The following PDGFRB variants were observed in gnomAD, a reference collection of about 807,000 sequenced individuals.
The protein encoded by PDGFRB is platelet derived growth factor receptor beta.
PDGFRB carries 42 observed loss-of-function variants against 120.2 expected under a neutral mutation model. That is an observed-to-expected ratio of 0.35 (90% CI 0.27 to 0.45). PDGFRB has a LOEUF of 0.45. PDGFRB is among the 20% of genes least tolerant of loss of function. PDGFRB has a pLI of 1.00. For synonymous variants in PDGFRB, 586 were observed against 606.8 expected (o/e 0.97, Z 0.50); for missense variants, 1,149 against 1,476.3 (o/e 0.78, Z 3.63).
intron 4 of PDGFRB, 53 bp from the exon 5 acceptor site, chr5:150,134,061 A>T (rs1760555730): frequency 1.3e-6 from 2 of 1,578,582 alleles, no homozygotes; most frequent in Non-Finnish European, 1.7e-6. Flanking sequence ...AGCCACTAGC[A>T]CTTCAGCTTG....
chr5:150,115,593 TA>T lies in PDGFRB; in HGVS notation c.*169del. ...CGGCCCCTGCAGTTTTCTTGCCTCC[TA>T]AGCCAGCCCCAGGGTTTGGGGCACA... On this transcript the variant is annotated 3_prime_UTR_variant, in exon 23 of 23. Coordinates refer to ENST00000261799, the MANE Select transcript of PDGFRB (RefSeq NM_002609.4). 2 of 573,058 alleles carry T rather than the reference TA, an allele frequency of 3.5e-6. No homozygotes were observed. The highest frequency in any genetic ancestry group is 5.6e-6 in the Non-Finnish European group (2 of 357,432). The allele number at this position is 573,058 out of a possible 1,614,324, so 35.5% of individuals were successfully genotyped here.
rs940542479 is a variant in PDGFRB at position 150,131,659 on chromosome 5, G to A, written c.1243+320C>T. Among the ~76,000 whole-genome samples, 3 of 152,286 alleles carry A rather than the reference G, an allele frequency of 2.0e-5. No individual in the cohort carries two copies. In the South Asian group the frequency reaches 6.2e-4, roughly 32 times the overall value. On this transcript the variant is annotated intron_variant, in intron 8 of 22. Coordinates refer to ENST00000261799, the MANE Select transcript of PDGFRB (RefSeq NM_002609.4). ...AGAACCTTGAAGAGACAGGCATATG[G>A]TAGTTGCTCAATAAATACCTATCGA... is the stretch of plus-strand genomic sequence containing the variant.
chr5:150,123,275 G>A, intron 14 of PDGFRB, 74 bp from the exon 15 acceptor site: 1 of 1,180,388 alleles, frequency 8.5e-7, no homozygotes, highest in Non-Finnish European at 1.2e-6. Flanking sequence ...AGGCTAATCA[G>A]GGGCTGGATG....
rs747547701 is a variant in PDGFRB, at chr5:150,117,579, C to T, written c.3137+39G>A. 3.7e-6 allele frequency: 4 copies of T among 1,080,964 alleles called. No individual in the cohort carries two copies. In the Admixed American group the frequency reaches 6.9e-5, roughly 19 times the overall value. 67.0% of individuals were successfully genotyped at this position (1,080,964 alleles called of 1,614,324 possible). A position where few individuals can be genotyped will look rare whatever the true frequency, so the allele number is the denominator to read the frequency against. ...ACACACACACACACACACACACACA[C>T]TGTGCACAATTTCCTTGGCCCCAGG... On this transcript the variant is annotated intron_variant, in intron 22 of 22. Transcript: ENST00000261799.
chr5:150,115,965 G>T lies in PDGFRB; in HGVS notation c.3138-19C>A. ...GGTGGAGCTAGAGGAAAGAGGCAGTGAGTGAGGGGCTAGGAAGGAGCCCAG... is the reference window on the plus strand; with the variant it reads ...GGTGGAGCTAGAGGAAAGAGGCAGTTAGTGAGGGGCTAGGAAGGAGCCCAG... On this transcript the variant is annotated intron_variant, in intron 22 of 22. Coordinates refer to ENST00000261799, the MANE Select transcript of PDGFRB (RefSeq NM_002609.4). 1 of 1,550,652 alleles carries T rather than the reference G, an allele frequency of 6.4e-7. No individual in the cohort carries two copies. Among genetic ancestry groups the T allele is most frequent in the South Asian group, 1.2e-5 (1 of 83,838 alleles).
In PDGFRB at chr5:150,127,389, A is replaced by G. The variant is rs573047420; in HGVS notation, c.1580-775T>C. On this transcript the variant is annotated intron_variant, in intron 10 of 22. Coordinates refer to ENST00000261799, the MANE Select transcript of PDGFRB (RefSeq NM_002609.4). ...CTCATTCCCTCCTCTTCTGTCCCCA[A>G]TCTATGCTTCTTTGCTCCCTAGGGA... is the stretch of plus-strand genomic sequence containing the variant. Among the ~76,000 whole-genome samples, 10 of 151,872 alleles carry G rather than the reference A, an allele frequency of 6.6e-5. No homozygotes were observed. In the South Asian group the frequency reaches 8.3e-4, roughly 13 times the overall value.
intron 6 of PDGFRB, among the ~76,000 whole-genome samples, 190 bp from the exon 7 acceptor site, chr5:150,133,132 G>A (rs1392293967): frequency 3.3e-5 from 5 of 152,216 alleles, no homozygotes; most frequent in African/African-American, 1.2e-4. Context: ...TAATATGGAT[G>A]CTGGGGCCAG....
At position 150,115,721 on chromosome 5, in the gene PDGFRB, CA is replaced by C. The variant is rs1432199246; in HGVS notation, c.*41del. ...CAGGCCAGGAGATGCTGGGTGCTGG[CA>C]GGGGGGGAGCTTCAGGCAGGGCAGG... On this transcript the variant is annotated 3_prime_UTR_variant, in exon 23 of 23. Coordinates refer to ENST00000261799, the MANE Select transcript of PDGFRB (RefSeq NM_002609.4). 1.1e-5 allele frequency: 17 copies of C among 1,520,528 alleles called. No homozygotes were observed. The highest frequency in any genetic ancestry group is 4.9e-4 in the Middle Eastern group (2 of 4,114). 94.2% of individuals were successfully genotyped at this position (1,520,528 alleles called of 1,614,324 possible).
chr5:150,117,529 C>CGT (rs1425279936), intron 22 of PDGFRB, 89 bp downstream of exon 22: 474 of 434,030 alleles, frequency 1.1e-3, no homozygotes, highest in Middle Eastern at 2.3e-3. Flanking sequence ...AACCTGGCAG[C>CGT]GCGCGCGCGC....
intron 8 of PDGFRB, among the ~76,000 whole-genome samples, chr5:150,131,132 A>G (rs1225405221): frequency 2.0e-5 from 3 of 152,190 alleles, no homozygotes; most frequent in Non-Finnish European, 4.4e-5. Flanking sequence ...AGTCATTATC[A>G]TGTCATTTCT....
At position 150,135,945 on chromosome 5, in the gene PDGFRB, G is replaced by A. The variant is rs1760618544; in HGVS notation, c.41-67C>T. 5.3e-6 allele frequency: 6 copies of A among 1,131,388 alleles called. No individual in the cohort carries two copies. The Admixed American group carries it at 8.0e-5, about 15-fold the overall frequency. The allele number at this position is 1,131,388 out of a possible 1,614,324, so 70.1% of individuals were successfully genotyped here. On this transcript the variant is annotated intron_variant, in intron 2 of 22. Coordinates refer to ENST00000261799, the MANE Select transcript of PDGFRB (RefSeq NM_002609.4). ...CAGCACCTCTCCCAAGGCTGAGCCTGCGAGGAGGCCACGTATGCACAGCCC... is the reference window on the plus strand; with the variant it reads ...CAGCACCTCTCCCAAGGCTGAGCCTACGAGGAGGCCACGTATGCACAGCCC...
intron 14 of PDGFRB, among the ~76,000 whole-genome samples, chr5:150,123,856 A>C (rs1283837720): frequency 6.6e-6 from 1 of 152,234 alleles, no homozygotes; most frequent in Non-Finnish European, 1.5e-5. Flanking sequence ...TTGGCCACAG[A>C]GACTTTCTTC....
rs1462762018 is a variant in PDGFRB, at chr5:150,125,445, C to T, written c.1807G>A (p.Gly603Arg). 2 of 1,611,276 alleles carry T rather than the reference C, an allele frequency of 1.2e-6. No individual in the cohort carries two copies. ...WELPRDQLVL[G>R]RTLGSGAFGQ... ...CCACATGAGGCCTCTCAGGACTGAC[C>T]CAGCACAAGCTGGTCCCGCGGCAGC... Residue 603 changes from glycine to arginine, a missense_variant and splice_region_variant, in exon 12 of 23, where the codon GGA (glycine) becomes AGA (arginine). Physicochemically the swap from Gly to Arg is moderately radical, Grantham distance 125 (BLOSUM62 -2). Coordinates refer to ENST00000261799, the MANE Select transcript of PDGFRB (RefSeq NM_002609.4).
At chr5:150,125,629 G>A in intron 11 of PDGFRB, 52 bp from the exon 12 acceptor site, 18 of 1,596,348 alleles carry the variant, frequency 1.1e-5, no homozygotes, top group Non-Finnish European at 1.5e-5. Context: ...CAGGCCCTGA[G>A]CCCCATTAGG....
intron 1 of PDGFRB, among the ~76,000 whole-genome samples, chr5:150,144,437 T>C (rs545938219): frequency 1.3e-5 from 2 of 151,868 alleles, no homozygotes; most frequent in East Asian, 3.9e-4. Flanking sequence ...CACTGCATGC[T>C]CCTCTCCCCA....
chr5:150,133,720 T>C lies in PDGFRB; in HGVS notation c.800A>G (p.Asp267Gly), dbSNP rs751085975. 6.2e-7 allele frequency: 1 copy of C among 1,614,066 alleles called. No homozygotes were observed. Among genetic ancestry groups the C allele is most frequent in the South Asian group, 1.1e-5 (1 of 91,066 alleles). ...LVEPVTDFLL[D>G]MPYHIRSILH... ...GATGGAGCGGATGTGGTAAGGCATA[T>C]CCAAGAGGAAGTCAGTCACCGGCTC... The change falls in exon 6 of 23, where the codon GAT becomes GGT. Residue 267 changes from aspartate to glycine, a missense_variant. By Grantham distance (94) the Asp-to-Gly change is moderately conservative. This residue lies in a region of PDGFRB where 879 missense variants were observed against 1,108.6 expected (regional missense o/e 0.79). Coordinates refer to ENST00000261799, the MANE Select transcript of PDGFRB (RefSeq NM_002609.4).
chr5:150,148,341 G>A (rs945430784), intron 1 of PDGFRB, among the ~76,000 whole-genome samples: 1 of 152,248 alleles, frequency 6.6e-6, no homozygotes, highest in Admixed American at 6.5e-5. Context: ...TACACGATAT[G>A]AGAGATTAAA....
intron 1 of PDGFRB, among the ~76,000 whole-genome samples, chr5:150,150,300 C>A (rs1761038246): frequency 1.3e-5 from 2 of 152,210 alleles, no homozygotes; most frequent in South Asian, 4.1e-4. Context: ...AACCCTTCCC[C>A]TCTCTGGACC....
chr5:150,150,769 T>C (rs1263362356), intron 1 of PDGFRB, among the ~76,000 whole-genome samples: 4 of 151,988 alleles, frequency 2.6e-5, no homozygotes, highest in Non-Finnish European at 4.4e-5. Flanking sequence ...CCACCAGAGG[T>C]AGGTCCCTGT....
Sources: allele counts gnomAD v4.1 joint callset (sites outside exome capture counted in the v4.1 genomes callset), GRCh38; gene constraint gnomAD v4.1.1; regional missense constraint gnomAD v4.1.1; transcripts MANE v1.5; gene names NCBI Gene and HGNC (gene_info 2026-07-23, HGNC 2026-07-21).